NEIL2: variants seen among roughly 807,000 people sequenced by gnomAD.
NEIL2 encodes the protein nei like DNA glycosylase 2, also known as endonuclease 8-like 2.
A neutral mutation model predicts 22.2 loss-of-function variants in NEIL2; 23 were observed. That is an observed-to-expected ratio of 1.04 (90% CI 0.75 to 1.47). NEIL2 has a LOEUF of 1.47. Ranked by LOEUF, NEIL2 falls within the 40% of genes most tolerant of loss-of-function variation. NEIL2 has a pLI of 0.00. For synonymous variants in NEIL2, 229 were observed against 164.8 expected (o/e 1.39, Z -2.99); for missense variants, 583 against 404.7 (o/e 1.44, Z -3.78).
At chr8:11,770,759 G>A (rs1803366564) in intron 1 of NEIL2, among the ~76,000 whole-genome samples, 2 of 152,064 alleles carry the variant, frequency 1.3e-5, no homozygotes, top group Admixed American at 6.5e-5. Context: ...AGTGGACTGG[G>A]ATGATTTGGG....
rs1157309859 is a variant in NEIL2, at chr8:11,778,233, A to G, written c.139-1365A>G. ...GAATTATATCAACATTGGTGAGTTT[A>G]TACCAAGAAATATTTTCTGCAGCAA... is the stretch of plus-strand genomic sequence containing the variant. On this transcript the variant is annotated intron_variant, in intron 2 of 4. Coordinates refer to ENST00000284503, the MANE Select transcript of NEIL2 (RefSeq NM_145043.4). 3.3e-5 allele frequency among the ~76,000 whole-genome samples: 5 copies of G among 150,984 alleles called. No individual in the cohort carries two copies. In the East Asian group the frequency reaches 9.7e-4, roughly 29 times the overall value.
Position 11,779,589 on chromosome 8 carries a change from T to C in NEIL2, c.139-9T>C, listed in dbSNP as rs1340364652. On this transcript the variant is annotated splice_polypyrimidine_tract_variant and intron_variant, in intron 2 of 4. Coordinates refer to ENST00000284503, the MANE Select transcript of NEIL2 (RefSeq NM_145043.4). ...CTGTAAGGCTTGGATCTCTGTTCATTTTTTCTAGGTCCATGGAAAGAAATT... is the reference window on the plus strand; with the variant it reads ...CTGTAAGGCTTGGATCTCTGTTCATCTTTTCTAGGTCCATGGAAAGAAATT... 1 of 1,603,364 alleles carries C rather than the reference T, an allele frequency of 6.2e-7. No homozygotes were observed. Among genetic ancestry groups the C allele is most frequent in the Non-Finnish European group, 8.5e-7 (1 of 1,172,496 alleles).
chr8:11,776,399 C>A (rs1413102754), intron 2 of NEIL2, among the ~76,000 whole-genome samples: 3 of 152,182 alleles, frequency 2.0e-5, no homozygotes, highest in Non-Finnish European at 2.9e-5. Flanking sequence ...GGAGACACAG[C>A]CAAACCATAT....
At position 11,775,356 on chromosome 8, in the gene NEIL2, A is replaced by G. The variant is rs1803822165; in HGVS notation, c.138+3771A>G. On this transcript the variant is annotated intron_variant, in intron 2 of 4. Transcript: ENST00000284503. ...GGTTGTACATTGGCGCTTTTTAGCC[A>G]TGGCTGGAGGGGCTAGGACACAGGG... 2.0e-5 allele frequency among the ~76,000 whole-genome samples: 3 copies of G among 152,176 alleles called. No homozygotes were observed. The South Asian group carries it at 6.2e-4, about 31-fold the overall frequency.
chr8:11,776,456 T>G (rs1371113234), intron 2 of NEIL2, among the ~76,000 whole-genome samples: 1 of 152,252 alleles, frequency 6.6e-6, no homozygotes, highest in Non-Finnish European at 1.5e-5. Flanking sequence ...TGTTGGACAC[T>G]CGGATTGTTT....
At chr8:11,771,408 C>G in intron 1 of NEIL2, 38 bp from the exon 2 acceptor site, 1 of 1,612,190 alleles carries the variant, frequency 6.2e-7, no homozygotes, top group Non-Finnish European at 8.5e-7. Context: ...GATAAATGAG[C>G]TAAGTCGGTG....
At chr8:11,784,595 C>G (rs952891512) in intron 4 of NEIL2, among the ~76,000 whole-genome samples, 2 of 152,192 alleles carry the variant, frequency 1.3e-5, no homozygotes, top group African/African-American at 2.4e-5. Flanking sequence ...CACACAGACA[C>G]TCACTTGAGC....
chr8:11,775,998 C>G (rs2201680), intron 2 of NEIL2, among the ~76,000 whole-genome samples: 30 of 152,168 alleles, frequency 2.0e-4, no homozygotes, highest in Admixed American at 2.0e-3. Context: ...AAGTTGCTTC[C>G]GCATTTTTAG....
rs1804571066 is a variant in NEIL2, at chr8:11,783,027, A to G, written c.492-176A>G. 1.0e-5 allele frequency: 7 copies of G among 686,038 alleles called. No homozygotes were observed. The Admixed American group carries it at 1.2e-4, about 12-fold the overall frequency. The allele number at this position is 686,038 out of a possible 1,614,324, so 42.5% of individuals were successfully genotyped here. A position where few individuals can be genotyped will look rare whatever the true frequency, so the allele number is the denominator to read the frequency against. On this transcript the variant is annotated intron_variant, in intron 3 of 4. Coordinates refer to ENST00000284503, the MANE Select transcript of NEIL2 (RefSeq NM_145043.4). Reference sequence around the variant, plus strand: ...TCCAGCCACAGAGTGTGCTCTGACTATACTGTGGTAACGATGTGGGGATGT... The same window carrying G: ...TCCAGCCACAGAGTGTGCTCTGACTGTACTGTGGTAACGATGTGGGGATGT...
At chr8:11,777,762 G>A (rs1205364772) in intron 2 of NEIL2, among the ~76,000 whole-genome samples, 1 of 152,244 alleles carries the variant, frequency 6.6e-6, no homozygotes, top group African/African-American at 2.4e-5. Context: ...ATTTGAGACT[G>A]CATAATTTAT....
chr8:11,785,508 C>T (rs942001437), intron 4 of NEIL2, among the ~76,000 whole-genome samples: 57 of 152,290 alleles, frequency 3.7e-4, no homozygotes, highest in African/African-American at 1.3e-3. Flanking sequence ...ATAATAACAA[C>T]AGTTAATACT....
At chr8:11,771,713 C>T (rs1803460441) in intron 2 of NEIL2, 128 bp downstream of exon 2, 1 of 906,006 alleles carries the variant, frequency 1.1e-6, no homozygotes, top group South Asian at 1.6e-5. Flanking sequence ...CTCCATGCAG[C>T]TCCCTCTTTC....
At chr8:11,771,371 T>C in intron 1 of NEIL2, 75 bp from the exon 2 acceptor site, 1 of 1,588,958 alleles carries the variant, frequency 6.3e-7, no homozygotes, top group Non-Finnish European at 8.6e-7. Context: ...GCATGGAGGA[T>C]GCTTGGCACC....
chr8:11,781,408 A>G (rs1255381478), intron 3 of NEIL2, among the ~76,000 whole-genome samples: 2 of 152,120 alleles, frequency 1.3e-5, no homozygotes, highest in African/African-American at 4.8e-5. Flanking sequence ...CAGCTCCAGG[A>G]TTTTATTCAC....
rs981139175 is a variant in NEIL2 at position 11,771,348 on chromosome 8, A to G, written c.-2-98A>G. 4.0e-6 allele frequency: 6 copies of G among 1,502,810 alleles called. No homozygotes were observed. The Admixed American group carries it at 1.0e-4, about 25-fold the overall frequency. 93.1% of individuals were successfully genotyped at this position (1,502,810 alleles called of 1,614,324 possible). A position where few individuals can be genotyped will look rare whatever the true frequency, so the allele number is the denominator to read the frequency against. ...ATGCTTGCTCTTAAAGTTAGTTGGC[A>G]GCAAAAATGGCGGCATGGAGGATGC... On this transcript the variant is annotated intron_variant, in intron 1 of 4. Coordinates refer to ENST00000284503, the MANE Select transcript of NEIL2 (RefSeq NM_145043.4).
intron 4 of NEIL2, among the ~76,000 whole-genome samples, 199 bp from the exon 5 acceptor site, chr8:11,785,764 A>G (rs893313856): frequency 2.0e-5 from 3 of 152,130 alleles, no homozygotes; most frequent in Non-Finnish European, 4.4e-5. Context: ...CATGAGTTTC[A>G]TTTCATCTTC....
chr8:11,780,080 G>A, intron 3 of NEIL2, 130 bp downstream of exon 3: 1 of 727,666 alleles, frequency 1.4e-6, no homozygotes, highest in African/African-American at 1.8e-5. Context: ...TGCTGTCTTG[G>A]GGAGAGAGGC....
At chr8:11,773,170 G>C (rs766818926) in intron 2 of NEIL2, among the ~76,000 whole-genome samples, 9 of 152,136 alleles carry the variant, frequency 5.9e-5, no homozygotes, top group Admixed American at 2.6e-4. Context: ...CTTGTCTCTG[G>C]ATCCCCAGCA....
chr8:11,781,296 G>A (rs1172084299), intron 3 of NEIL2, among the ~76,000 whole-genome samples: 1 of 152,146 alleles, frequency 6.6e-6, no homozygotes, highest in Non-Finnish European at 1.5e-5. Flanking sequence ...TGGGCTTTGG[G>A]GCTGCCGTTC....
Sources: allele counts gnomAD v4.1 joint callset (sites outside exome capture counted in the v4.1 genomes callset), GRCh38; gene constraint gnomAD v4.1.1; transcripts MANE v1.5; gene names NCBI Gene and HGNC (gene_info 2026-07-23, HGNC 2026-07-21).